Variants in BAZ2B observed in about 807,000 individuals in gnomAD.
BAZ2B encodes the protein bromodomain adjacent to zinc finger domain 2B, also known as bromodomain adjacent to zinc finger domain protein 2B.
In BAZ2B, 91 loss-of-function variants were observed where a neutral mutation model predicts 246.0. That is an observed-to-expected ratio of 0.37 (90% CI 0.31 to 0.44). The LOEUF (loss-of-function observed/expected upper bound fraction) is 0.44, where lower values mean the gene tolerates loss of function less well. BAZ2B is among the 20% of genes least tolerant of loss of function. The probability of loss-of-function intolerance (pLI) is 1.00; values close to 1 mark genes in which losing one functional copy is unlikely to be tolerated. For missense variants in BAZ2B, 2,332 were observed against 2,533.7 expected, an observed-to-expected ratio of 0.92 and a Z score of 1.71; for synonymous variants, 855 against 860.0, an observed-to-expected ratio of 0.99 and a Z score of 0.10.
At chr2:159,660,543 A>G in the BAZ2B span, among the ~76,000 whole-genome samples, 1 of 152,130 alleles carries the variant, frequency 6.6e-6, no homozygotes, top group Non-Finnish European at 1.5e-5. Flanking sequence ...AAACTGTGAA[A>G]AGCAACTACA....
At position 159,432,841 on chromosome 2, in the gene BAZ2B, C is replaced by T. The variant is rs949401310; in HGVS notation, c.1816G>A (p.Asp606Asn). ...SDIPSSKDSE[D>N]SNEDEEEDDE... is the part of the protein sequence containing the mutation. Reference sequence around the variant, plus strand: ...TCTTCCTCTTCATCCTCATTTGAATCTTCAGAATCTTTACTACTGGGAATG... The same window carrying T: ...TCTTCCTCTTCATCCTCATTTGAATTTTCAGAATCTTTACTACTGGGAATG... Residue 606 changes from aspartate (D) to asparagine (N), a missense_variant, in exon 9 of 37, where the codon GAT (aspartate) becomes AAT (asparagine). This residue lies in a region of BAZ2B where 651 missense variants were observed against 650.9 expected (regional missense o/e 1.00). Coordinates refer to ENST00000392783, the MANE Select transcript of BAZ2B (RefSeq NM_013450.4). 3 of 1,614,028 alleles carry T rather than the reference C, an allele frequency of 1.9e-6. No individual in the cohort carries two copies. In the African/African-American group the frequency reaches 4.0e-5, roughly 22 times the overall value.
the BAZ2B span, among the ~76,000 whole-genome samples, chr2:159,676,147 C>G: frequency 6.6e-6 from 1 of 152,018 alleles, no homozygotes; most frequent in African/African-American, 2.4e-5. Context: ...CCTGCCTCGG[C>G]CTCCCAAAGC....
intron 2 of BAZ2B, among the ~76,000 whole-genome samples, chr2:159,505,655 G>C (rs370914069): frequency 3.0e-4 from 46 of 152,164 alleles, no homozygotes; most frequent in African/African-American, 1.1e-3. Flanking sequence ...TAAGGGAATG[G>C]GAAAATATCT....
the BAZ2B span, among the ~76,000 whole-genome samples, chr2:159,657,471 A>G: frequency 2.0e-5 from 3 of 152,176 alleles, no homozygotes; most frequent in African/African-American, 7.2e-5. Flanking sequence ...TATAAACTTC[A>G]GAATCAGCTT....
chr2:159,348,927 C>A, intron 29 of BAZ2B, 80 bp downstream of exon 29: 1 of 1,552,680 alleles, frequency 6.4e-7, no homozygotes, highest in Non-Finnish European at 8.7e-7. Context: ...TATATAGAAC[C>A]ATCAAATATT....
At chr2:159,663,989 T>C in the BAZ2B span, among the ~76,000 whole-genome samples, 2 of 82,726 alleles carry the variant, frequency 2.4e-5, no homozygotes, top group African/African-American at 8.8e-5. Flanking sequence ...ACGTGTCATC[T>C]AGCATTAGGT....
chr2:159,617,995 G>T (rs1443889099), upstream of BAZ2B, among the ~76,000 whole-genome samples: 1 of 152,222 alleles, frequency 6.6e-6, no homozygotes, highest in African/African-American at 2.4e-5. Context: ...GATGTCTCAG[G>T]AGACTGATGC....
At chr2:159,489,837 C>T (rs1395456611) in intron 2 of BAZ2B, among the ~76,000 whole-genome samples, 1 of 152,036 alleles carries the variant, frequency 6.6e-6, no homozygotes, top group Non-Finnish European at 1.5e-5. Context: ...TGCTTAAGCC[C>T]AGGAGTTTTA....
At position 159,547,623 on chromosome 2, in the gene BAZ2B, T is replaced by G. The variant is rs150837937; in HGVS notation, c.-3+8200A>C. On this transcript the variant is annotated intron_variant, in intron 2 of 36. Transcript: ENST00000392783. ...GTGGAAGAAAACAATTTACTAGCCA[T>G]ATTAAATTTCAAGTCACCTTAATTC... Among the ~76,000 whole-genome samples, 731 of 152,312 alleles carry G rather than the reference T, an allele frequency of 4.8e-3. 6 individuals carry two copies. Among genetic ancestry groups the G allele is most frequent in the African/African-American group, 0.017 (693 of 41,568 alleles).
intron 1 of BAZ2B, among the ~76,000 whole-genome samples, chr2:159,575,351 G>C (rs1019215300): frequency 2.0e-5 from 3 of 152,112 alleles, no homozygotes; most frequent in African/African-American, 7.2e-5. Flanking sequence ...GCCTGAAAGA[G>C]GTTAAAATAT....
intron 34 of BAZ2B, among the ~76,000 whole-genome samples, chr2:159,326,607 C>G (rs968811241): frequency 6.6e-6 from 1 of 152,134 alleles, no homozygotes; most frequent in Non-Finnish European, 1.5e-5. Flanking sequence ...GATATGAATT[C>G]CAGCTATGGC....
At chr2:159,674,147 C>T in the BAZ2B span, among the ~76,000 whole-genome samples, 2 of 151,762 alleles carry the variant, frequency 1.3e-5, no homozygotes, top group Non-Finnish European at 2.9e-5. Flanking sequence ...AGTTCAAGAC[C>T]AGCCTAGGCA....
At chr2:159,512,511 A>G (rs1396389035) in intron 2 of BAZ2B, among the ~76,000 whole-genome samples, 2 of 152,226 alleles carry the variant, frequency 1.3e-5, no homozygotes, top group Non-Finnish European at 2.9e-5. Flanking sequence ...CCTAAAAAAC[A>G]GCCAAAAAAG....
In BAZ2B at chr2:159,562,646, T is replaced by C. The variant is rs954053474; in HGVS notation, c.-45-6781A>G. Among the ~76,000 whole-genome samples, 4 of 152,328 alleles carry C rather than the reference T, an allele frequency of 2.6e-5. No homozygotes were observed. In the South Asian group the frequency reaches 6.2e-4, roughly 24 times the overall value. ...ATGAAGTTTCATTTGAGAAAAATTA[T>C]GTGTTGTTTTAGTTATATATACTTT... On this transcript the variant is annotated intron_variant, in intron 1 of 36. Coordinates refer to ENST00000392783, the MANE Select transcript of BAZ2B (RefSeq NM_013450.4).
intron 13 of BAZ2B, among the ~76,000 whole-genome samples, chr2:159,413,088 A>G (rs1049289595): frequency 6.6e-6 from 1 of 152,178 alleles, no homozygotes; most frequent in Non-Finnish European, 1.5e-5. Flanking sequence ...AAGAGACACA[A>G]CTAGACAGGT....
the BAZ2B span, among the ~76,000 whole-genome samples, chr2:159,679,746 C>T: frequency 2.0e-5 from 3 of 152,190 alleles, no homozygotes; most frequent in African/African-American, 7.2e-5. Flanking sequence ...GAAAATTAAA[C>T]TTCTTTTAAG....
chr2:159,503,015 A>T (rs2081999284), intron 2 of BAZ2B, among the ~76,000 whole-genome samples: 1 of 152,218 alleles, frequency 6.6e-6, no homozygotes. Context: ...ATCCTGAATC[A>T]GTTCTTATTG....
At position 159,458,152 on chromosome 2, in the gene BAZ2B, T is replaced by C. The variant is rs143411427; in HGVS notation, c.146-4351A>G. On this transcript the variant is annotated intron_variant, in intron 3 of 36. Transcript: ENST00000392783. ...CCTCCTGAGTAGCTGGGATTTCAGC[T>C]GTGTGCCACTACGTCCAGCTAATTT... 2.5e-3 allele frequency among the ~76,000 whole-genome samples: 370 copies of C among 150,350 alleles called. 2 individuals are homozygous for C. The highest frequency in any genetic ancestry group is 8.4e-3 in the African/African-American group (344 of 40,906).
At chr2:159,556,375 T>C (rs1330058404) in intron 1 of BAZ2B, among the ~76,000 whole-genome samples, 2 of 143,802 alleles carry the variant, frequency 1.4e-5, no homozygotes, top group Non-Finnish European at 2.9e-5. Context: ...ATTGAAAATA[T>C]CACTGGGAAG....
Sources: gnomAD v4.1 joint callset for allele counts (sites outside exome capture counted in the v4.1 genomes callset) on GRCh38, gnomAD v4.1.1 for gene constraint, gnomAD v4.1.1 regional missense constraint, MANE v1.5 for transcripts, NCBI Gene and HGNC (gene_info 2026-07-23, HGNC 2026-07-21) for gene names.